Variants in AIG1 observed in about 807,000 individuals in gnomAD.
AIG1 encodes androgen induced 1.
In AIG1, 23 loss-of-function variants were observed where a neutral mutation model predicts 31.4. The ratio of observed to expected loss-of-function variants is 0.73; its 90% CI spans 0.53 to 1.04. The LOEUF (loss-of-function observed/expected upper bound fraction) is 1.04, where lower values mean the gene tolerates loss of function less well. AIG1 is among the 50% of genes least tolerant of loss of function. The pLI is 0.00. For missense variants in AIG1, 274 were observed against 295.0 expected, an observed-to-expected ratio of 0.93 and a Z score of 0.52; for synonymous variants, 100 against 110.5, an observed-to-expected ratio of 0.90 and a Z score of 0.60.
intron 3 of AIG1, among the ~76,000 whole-genome samples, chr6:143,170,685 T>C (rs192453534): frequency 1.3e-5 from 2 of 152,066 alleles, no homozygotes; most frequent in East Asian, 3.9e-4. Context: ...TTAGGTTTTG[T>C]TTGTTCTTGC....
chr6:143,221,467 G>A (rs1185084809), intron 3 of AIG1, among the ~76,000 whole-genome samples: 1 of 151,982 alleles, frequency 6.6e-6, no homozygotes, highest in Non-Finnish European at 1.5e-5. Context: ...TGGGGATCTT[G>A]TATGGCTCAT....
chr6:143,068,632 A>G (rs182464743), intron 1 of AIG1, among the ~76,000 whole-genome samples: 7 of 152,388 alleles, frequency 4.6e-5, no homozygotes, highest in East Asian at 1.9e-4. Context: ...TACTTATTAT[A>G]GAAAATTTGT....
At chr6:143,275,415 T>C (rs1470589610) in intron 3 of AIG1, among the ~76,000 whole-genome samples, 1 of 152,180 alleles carries the variant, frequency 6.6e-6, no homozygotes, top group Admixed American at 6.5e-5. Flanking sequence ...TTAAACTCCA[T>C]GGAAGATGTC....
chr6:143,265,935 G>T (rs1004761471), intron 3 of AIG1, among the ~76,000 whole-genome samples: 5 of 152,098 alleles, frequency 3.3e-5, no homozygotes, highest in Non-Finnish European at 7.3e-5. Context: ...TCAATCTCTA[G>T]CCCCTACCAT....
In AIG1 at chr6:143,249,036, A is replaced by G. The variant is rs1292451959; in HGVS notation, c.400-35074A>G. 2.0e-5 allele frequency among the ~76,000 whole-genome samples: 3 copies of G among 152,340 alleles called. No individual in the cohort carries two copies. The South Asian group carries it at 6.2e-4, about 32-fold the overall frequency. ...TAAGAGGGGCTGTTTGTGTTAATTA[A>G]AAGTAAAGTATATAATTATATAGGA... On this transcript the variant is annotated intron_variant, in intron 3 of 5. Transcript: ENST00000357847.
intron 3 of AIG1, among the ~76,000 whole-genome samples, chr6:143,266,724 A>G (rs143962390): frequency 0.011 from 1,668 of 152,146 alleles, 29 homozygotes; most frequent in Middle Eastern, 0.034. Flanking sequence ...CAAGAGGATC[A>G]CTTGAGGGCA....
chr6:143,272,929 G>C (rs1441455532), intron 3 of AIG1, among the ~76,000 whole-genome samples: 2 of 152,148 alleles, frequency 1.3e-5, no homozygotes, highest in African/African-American at 4.8e-5. Context: ...AGGAGTTCAA[G>C]ACCAGCCTGG....
At chr6:143,093,581 C>A (rs1476730951) in intron 1 of AIG1, among the ~76,000 whole-genome samples, 1 of 152,214 alleles carries the variant, frequency 6.6e-6, no homozygotes, top group Non-Finnish European at 1.5e-5. Context: ...TTTGCATTCA[C>A]AACTTGGGTA....
intron 4 of AIG1, among the ~76,000 whole-genome samples, chr6:143,295,790 T>G (rs1470881494): frequency 6.6e-6 from 1 of 152,208 alleles, no homozygotes; most frequent in Non-Finnish European, 1.5e-5. Context: ...GGTTATTTGA[T>G]TAACTCTTTC....
chr6:143,161,360 C>T, intron 2 of AIG1, among the ~76,000 whole-genome samples: 1 of 152,024 alleles, frequency 6.6e-6, no homozygotes, highest in East Asian at 1.9e-4. Context: ...AGAGAGGAAA[C>T]ACTTCCCAAC....
chr6:143,189,166 C>G (rs1361465196), intron 3 of AIG1: 6 of 501,998 alleles, frequency 1.2e-5, no homozygotes, highest in Non-Finnish European at 1.5e-5. Context: ...GCCTCAGCCC[C>G]CCAAGTAGCT....
intron 3 of AIG1, among the ~76,000 whole-genome samples, chr6:143,222,946 C>G (rs569243575): frequency 5.8e-4 from 88 of 152,278 alleles, no homozygotes; most frequent in African/African-American, 2.0e-3. Flanking sequence ...TTACTTTGCT[C>G]AGTACAGAAA....
At chr6:143,134,979 A>G (rs539899817) in intron 1 of AIG1, among the ~76,000 whole-genome samples, 78 of 152,188 alleles carry the variant, frequency 5.1e-4, no homozygotes, top group Non-Finnish European at 1.0e-3. Flanking sequence ...TCAGTTTACT[A>G]TGAGTTTATA....
In AIG1 at chr6:143,136,808, C is replaced by T. The variant is rs756547975; in HGVS notation, c.142-27C>T. The T allele has an allele frequency of 3.7e-6, 5 of 1,344,326 alleles. No homozygotes were observed. The South Asian group carries it at 9.9e-5, about 27-fold the overall frequency. 83.3% of individuals were successfully genotyped at this position (1,344,326 alleles called of 1,614,324 possible). On this transcript the variant is annotated intron_variant, in intron 1 of 5. Transcript: ENST00000357847. ...AGCTTGGGTCTCCAGATCTTAATGA[C>T]TCATACCGGCTGTTGTCCCCCTACA...
chr6:143,158,182 CTT>C (rs1282710397), intron 2 of AIG1, among the ~76,000 whole-genome samples: 1 of 152,164 alleles, frequency 6.6e-6, no homozygotes, highest in African/African-American at 2.4e-5. Context: ...AGGCACCACT[CTT>C]TTCTTGTTGA....
In AIG1 at chr6:143,249,481, T is replaced by C. The variant is rs374733368; in HGVS notation, c.400-34629T>C. The stretch of plus-strand genomic sequence containing the variant: ...CCAGGCCTCGTGGAGGGGTGAACAT[T>C]GTTCATTGTCGCAGCCAGGACAGGA... On this transcript the variant is annotated intron_variant, in intron 3 of 5. Transcript: ENST00000357847. Among the ~76,000 whole-genome samples, 24 of 152,260 alleles carry C rather than the reference T, an allele frequency of 1.6e-4. No homozygotes were observed. In the East Asian group the frequency reaches 1.9e-3, roughly 12 times the overall value.
intron 1 of AIG1, among the ~76,000 whole-genome samples, chr6:143,114,487 G>T (rs1013153058): frequency 1.3e-5 from 2 of 152,186 alleles, no homozygotes; most frequent in African/African-American, 4.8e-5. Flanking sequence ...ATGCACCAAG[G>T]TGGAAGTGGT....
intron 1 of AIG1, among the ~76,000 whole-genome samples, chr6:143,105,250 G>A (rs1055118551): frequency 6.6e-6 from 1 of 152,066 alleles, no homozygotes; most frequent in Non-Finnish European, 1.5e-5. Flanking sequence ...ACACCACCAC[G>A]GCCAGATACA....
intron 3 of AIG1, among the ~76,000 whole-genome samples, chr6:143,248,952 G>T (rs570545793): frequency 1.3e-5 from 2 of 152,284 alleles, no homozygotes; most frequent in South Asian, 4.1e-4. Context: ...TCGTGGGCAG[G>T]TTCATTCTTT....
Sources: allele counts gnomAD v4.1 joint callset (sites outside exome capture counted in the v4.1 genomes callset), GRCh38; gene constraint gnomAD v4.1.1; transcripts MANE v1.5; gene names NCBI Gene and HGNC (gene_info 2026-07-23, HGNC 2026-07-21).